The following APBA2 variants were observed in gnomAD, a reference collection of about 807,000 sequenced individuals.
APBA2 encodes the protein amyloid-beta A4 precursor protein-binding family A member 2.
In APBA2, 30 loss-of-function variants were observed where a neutral mutation model predicts 75.0. The observed-to-expected ratio is 0.40, with a 90% confidence interval of 0.30 to 0.54. APBA2 has a LOEUF of 0.54. APBA2 is among the 20% of genes least tolerant of loss of function. The pLI, the probability that APBA2 is intolerant of heterozygous loss-of-function variation, is 0.49. For missense variants in APBA2, 801 were observed against 1,016.1 expected (o/e 0.79, Z 2.88); for synonymous variants, 444 against 409.6 (o/e 1.08, Z -1.01).
At chr15:29,105,652 C>A in intron 11 of APBA2, 94 bp downstream of exon 11, 1 of 1,383,954 alleles carries the variant, frequency 7.2e-7, no homozygotes, top group Non-Finnish European at 1.0e-6. Flanking sequence ...TCCTCACGCA[C>A]ACCCTTGCCT....
chr15:29,016,910 TC>T (rs1290044967), intron 3 of APBA2, among the ~76,000 whole-genome samples: 3 of 152,208 alleles, frequency 2.0e-5, no homozygotes, highest in African/African-American at 7.2e-5. Flanking sequence ...TTTAACCTGT[TC>T]CTTTCATCAA....
At chr15:29,100,037 A>C (rs923941884) in intron 9 of APBA2, among the ~76,000 whole-genome samples, 1 of 152,158 alleles carries the variant, frequency 6.6e-6, no homozygotes, top group Non-Finnish European at 1.5e-5. Context: ...GTTGGGGCAG[A>C]GGAGCTGGAG....
chr15:29,108,577 A>G lies in APBA2; in HGVS notation c.2037+188A>G, dbSNP rs1013456999. The G allele has an allele frequency of 1.2e-5, 10 of 869,478 alleles. No individual in the cohort carries two copies. The African/African-American group carries it at 1.5e-4, about 13-fold the overall frequency. 53.9% of individuals were successfully genotyped at this position (869,478 alleles called of 1,614,324 possible). ...GGCTCTCTGGGAGGTCCTGGCTAGA[A>G]GGGGAGGGCCAGGGCATGGCCGTGG... On this transcript the variant is annotated intron_variant, in intron 13 of 14. Transcript: ENST00000683413.
At chr15:29,111,654 C>G (rs1037752909) in intron 13 of APBA2, among the ~76,000 whole-genome samples, 1 of 152,084 alleles carries the variant, frequency 6.6e-6, no homozygotes, top group Admixed American at 6.5e-5. Context: ...CATGAGTGCC[C>G]GTGGTCATGG....
At chr15:28,947,982 G>A (rs1438958147) in intron 2 of APBA2, among the ~76,000 whole-genome samples, 1 of 152,228 alleles carries the variant, frequency 6.6e-6, no homozygotes, top group African/African-American at 2.4e-5. Flanking sequence ...TCAGAGCCAA[G>A]TCGTGGCTCT....
chr15:29,094,421 C>T (rs1357790588), intron 8 of APBA2, 108 bp downstream of exon 8: 11 of 1,073,212 alleles, frequency 1.0e-5, no homozygotes, highest in Non-Finnish European at 1.3e-5. Flanking sequence ...AATAATGTTG[C>T]AAAGCAGCTT....
intron 4 of APBA2, among the ~76,000 whole-genome samples, chr15:29,068,342 G>A (rs572900712): frequency 1.3e-5 from 2 of 152,364 alleles, no homozygotes; most frequent in East Asian, 1.9e-4. Flanking sequence ...TGGCCCCTAA[G>A]CAATGGTATT....
chr15:28,941,251 C>G (rs1483583698), intron 2 of APBA2, among the ~76,000 whole-genome samples: 1 of 152,256 alleles, frequency 6.6e-6, no homozygotes, highest in Non-Finnish European at 1.5e-5. Context: ...CATCTGAATT[C>G]ACAAGCTGGG....
In APBA2 at chr15:29,017,659, A is replaced by G. The variant is rs79515892; in HGVS notation, c.-41+21853A>G. ...GTGCTGGGATTACAGGCATGCGCCA[A>G]TGTGCCCGGCACCATCTTCTTTTCT... On this transcript the variant is annotated intron_variant, in intron 3 of 14. Transcript: ENST00000683413. 1.1e-3 allele frequency among the ~76,000 whole-genome samples: 166 copies of G among 152,174 alleles called. 2 individuals are homozygous for G. In the East Asian group the frequency reaches 0.028, roughly 26 times the overall value.
intron 4 of APBA2, among the ~76,000 whole-genome samples, chr15:29,060,191 A>G (rs1008919808): frequency 1.3e-5 from 2 of 152,190 alleles, no homozygotes; most frequent in Non-Finnish European, 1.5e-5. Flanking sequence ...TGGTTTGTGT[A>G]AAGTCCGTGG....
chr15:29,015,452 C>T (rs1041182110), intron 3 of APBA2, among the ~76,000 whole-genome samples: 5 of 152,184 alleles, frequency 3.3e-5, no homozygotes, highest in Non-Finnish European at 7.3e-5. Context: ...AGCTCCTCTC[C>T]TGTCTGTGGT....
At chr15:29,038,117 G>T (rs535356891) in intron 3 of APBA2, among the ~76,000 whole-genome samples, 2 of 152,194 alleles carry the variant, frequency 1.3e-5, no homozygotes, top group Non-Finnish European at 2.9e-5. Context: ...GACTCTGTAA[G>T]CTCTAGCCAA....
intron 4 of APBA2, among the ~76,000 whole-genome samples, chr15:29,060,781 G>T (rs144665150): frequency 5.3e-5 from 8 of 152,028 alleles, no homozygotes; most frequent in African/African-American, 1.5e-4. Context: ...TTGACATAAC[G>T]TATTGATTTT....
intron 2 of APBA2, among the ~76,000 whole-genome samples, chr15:28,928,166 TG>T (rs1268288039): frequency 4.2e-5 from 6 of 143,364 alleles, no homozygotes. Context: ...AAAAGAAACA[TG>T]TTGTCCTTTT....
chr15:29,101,449 C>G, intron 9 of APBA2, 150 bp from the exon 10 acceptor site: 2 of 780,444 alleles, frequency 2.6e-6, no homozygotes, highest in Non-Finnish European at 4.4e-6. Context: ...CCAGGCTGGT[C>G]TTGAACTCCT....
At chr15:28,954,556 A>G (rs1446433773) in intron 2 of APBA2, among the ~76,000 whole-genome samples, 2 of 152,056 alleles carry the variant, frequency 1.3e-5, no homozygotes, top group Non-Finnish European at 2.9e-5. Flanking sequence ...GCACCCCCAC[A>G]TTAATTCTGT....
intron 3 of APBA2, among the ~76,000 whole-genome samples, chr15:29,024,124 G>A (rs2040098502): frequency 1.3e-5 from 2 of 151,804 alleles, no homozygotes; most frequent in South Asian, 2.1e-4. Flanking sequence ...GGCTGGTCTC[G>A]AACTGCTGAC....
At chr15:28,929,351 T>C (rs2034442469) in intron 2 of APBA2, among the ~76,000 whole-genome samples, 1 of 152,222 alleles carries the variant, frequency 6.6e-6, no homozygotes, top group African/African-American at 2.4e-5. Flanking sequence ...GGGTGGCTGC[T>C]AATCCGTAGG....
chr15:28,967,417 C>G (rs1277681577), intron 2 of APBA2, among the ~76,000 whole-genome samples: 1 of 152,058 alleles, frequency 6.6e-6, no homozygotes, highest in Non-Finnish European at 1.5e-5. Context: ...ATTTCAGGTT[C>G]CTCTCTCCAT....
Sources: gnomAD v4.1 joint callset for allele counts (sites outside exome capture counted in the v4.1 genomes callset) on GRCh38, gnomAD v4.1.1 for gene constraint, MANE v1.5 for transcripts, NCBI Gene and HGNC (gene_info 2026-07-23, HGNC 2026-07-21) for gene names.